Variants in CLSTN2 observed in about 807,000 individuals in gnomAD.
CLSTN2 encodes calsyntenin-2.
A neutral mutation model predicts 101.2 loss-of-function variants in CLSTN2; 48 were observed. That is an observed-to-expected ratio of 0.47 (90% CI 0.38 to 0.60). CLSTN2 has a LOEUF of 0.60. CLSTN2 is among the 20% of genes least tolerant of loss of function. The pLI, the probability that CLSTN2 is intolerant of heterozygous loss-of-function variation, is 0.00. For missense variants in CLSTN2, 1,160 were observed against 1,238.2 expected, an observed-to-expected ratio of 0.94 and a Z score of 0.95; for synonymous variants, 481 against 463.6, an observed-to-expected ratio of 1.04 and a Z score of -0.48.
chr3:140,519,680 C>G (rs543905428), intron 8 of CLSTN2, among the ~76,000 whole-genome samples: 1 of 151,916 alleles, frequency 6.6e-6, no homozygotes, highest in African/African-American at 2.4e-5. Flanking sequence ...TTCCTCCATT[C>G]CTTTGTTTTG....
At chr3:140,436,010 C>A (rs557300758) in intron 5 of CLSTN2, among the ~76,000 whole-genome samples, 8 of 152,164 alleles carry the variant, frequency 5.3e-5, no homozygotes, top group Non-Finnish European at 1.0e-4. Context: ...GATCTTCTTC[C>A]ATTCTGTGAG....
chr3:140,117,805 C>G (rs2009271531), intron 1 of CLSTN2, among the ~76,000 whole-genome samples: 1 of 152,134 alleles, frequency 6.6e-6, no homozygotes, highest in Non-Finnish European at 1.5e-5. Flanking sequence ...AGTGACTTGA[C>G]CAAGGTTACA....
intron 1 of CLSTN2, among the ~76,000 whole-genome samples, chr3:140,111,088 C>T (rs1226212645): frequency 6.6e-6 from 1 of 152,222 alleles, no homozygotes; most frequent in African/African-American, 2.4e-5. Flanking sequence ...CTTCCTATCT[C>T]ATGGCTAATC....
Position 140,564,114 on chromosome 3 carries a change from C to A in CLSTN2, c.2636C>A (p.Ser879Tyr). Residue 879 changes from serine (S) to tyrosine (Y), a missense_variant, in exon 16 of 17, where the codon TCT (serine) becomes TAT (tyrosine). By Grantham distance (144) the Ser-to-Tyr change is moderately radical (BLOSUM62 -2). Transcript: ENST00000458420. ...GAATCTGAGATGGACTGGGACGATT[C>A]TGCGCTGACTATCACAGTCAACCCC... ...AKESEMDWDDSALTITVNPME... is the reference protein window; with the variant it reads ...AKESEMDWDDYALTITVNPME... 1 of 1,614,102 alleles carries A rather than the reference C, an allele frequency of 6.2e-7. No individual in the cohort carries two copies. The highest frequency in any genetic ancestry group is 8.5e-7 in the Non-Finnish European group (1 of 1,180,002).
chr3:140,494,277 C>G (rs1934406851), intron 8 of CLSTN2, among the ~76,000 whole-genome samples: 1 of 152,080 alleles, frequency 6.6e-6, no homozygotes, highest in Non-Finnish European at 1.5e-5. Context: ...AAGCAAAGCC[C>G]AGTGCAAAAG....
intron 2 of CLSTN2, among the ~76,000 whole-genome samples, chr3:140,371,187 C>G (rs1304528181): frequency 6.6e-6 from 1 of 152,114 alleles, no homozygotes; most frequent in African/African-American, 2.4e-5. Context: ...TTCCAGGAGT[C>G]CCAGCAGGTA....
intron 2 of CLSTN2, among the ~76,000 whole-genome samples, chr3:140,356,756 CAAA>C (rs55634580): frequency 4.5e-5 from 5 of 111,110 alleles, no homozygotes; most frequent in African/African-American, 3.6e-5. Flanking sequence ...GACCTTGTCT[CAAA>C]AAAAAAAAAA....
intron 8 of CLSTN2, among the ~76,000 whole-genome samples, chr3:140,516,177 G>T (rs994403240): frequency 2.0e-5 from 3 of 151,938 alleles, no homozygotes; most frequent in Non-Finnish European, 4.4e-5. Flanking sequence ...GTGACCATTT[G>T]CATGGAATAT....
At chr3:140,047,465 TAA>T (rs1470481338) in intron 1 of CLSTN2, among the ~76,000 whole-genome samples, 4 of 152,208 alleles carry the variant, frequency 2.6e-5, no homozygotes, top group Non-Finnish European at 5.9e-5. Flanking sequence ...TTTATTTATA[TAA>T]TATTTTATTT....
At chr3:140,165,494 G>A (rs1309299763) in intron 1 of CLSTN2, among the ~76,000 whole-genome samples, 2 of 152,196 alleles carry the variant, frequency 1.3e-5, no homozygotes, top group African/African-American at 4.8e-5. Context: ...TGGCGACACA[G>A]TAGACCTGTG....
chr3:140,040,707 C>T (rs985793251), intron 1 of CLSTN2, among the ~76,000 whole-genome samples: 2 of 152,106 alleles, frequency 1.3e-5, no homozygotes, highest in Non-Finnish European at 2.9e-5. Flanking sequence ...AAATATAACA[C>T]TTCTTTAGAA....
At chr3:140,272,539 T>C (rs906832097) in intron 2 of CLSTN2, among the ~76,000 whole-genome samples, 3 of 152,078 alleles carry the variant, frequency 2.0e-5, no homozygotes, top group Non-Finnish European at 4.4e-5. Flanking sequence ...CACCTGAGGA[T>C]GGGAGTTCGA....
At chr3:140,525,351 G>T (rs1408622795) in intron 8 of CLSTN2, among the ~76,000 whole-genome samples, 2 of 152,112 alleles carry the variant, frequency 1.3e-5, no homozygotes, top group African/African-American at 4.8e-5. Flanking sequence ...AGAGAAAGTG[G>T]ATACATTCCT....
At chr3:140,303,278 G>T (rs2087077874) in intron 2 of CLSTN2, among the ~76,000 whole-genome samples, 1 of 152,212 alleles carries the variant, frequency 6.6e-6, no homozygotes, top group African/African-American at 2.4e-5. Context: ...CCAAGATGTG[G>T]TCTCTCTCAT....
At chr3:140,151,637 A>G (rs1194153891) in intron 1 of CLSTN2, among the ~76,000 whole-genome samples, 1 of 152,020 alleles carries the variant, frequency 6.6e-6, no homozygotes, top group East Asian at 1.9e-4. Context: ...AAGACAATCA[A>G]AGGCACTCAC....
At chr3:140,117,664 T>C (rs1262414018) in intron 1 of CLSTN2, among the ~76,000 whole-genome samples, 1 of 152,200 alleles carries the variant, frequency 6.6e-6, no homozygotes, top group African/African-American at 2.4e-5. Flanking sequence ...AATAACCACA[T>C]AAGTCCAGTA....
chr3:140,118,859 A>G (rs373349975), intron 1 of CLSTN2, among the ~76,000 whole-genome samples: 1 of 152,232 alleles, frequency 6.6e-6, no homozygotes, highest in Non-Finnish European at 1.5e-5. Flanking sequence ...GGTTGCAATC[A>G]TTATTATCAC....
At chr3:140,121,528 G>A (rs1253213936) in intron 1 of CLSTN2, among the ~76,000 whole-genome samples, 2 of 152,168 alleles carry the variant, frequency 1.3e-5, no homozygotes, top group Non-Finnish European at 2.9e-5. Flanking sequence ...CCTCTAGGCA[G>A]AACTCCTTGC....
intron 1 of CLSTN2, among the ~76,000 whole-genome samples, chr3:140,018,648 A>T (rs911257782): frequency 1.2e-4 from 19 of 152,322 alleles, no homozygotes; most frequent in African/African-American, 4.3e-4. Context: ...GCTCCTGCTT[A>T]CTGCAGTGTG....
Sources: allele counts gnomAD v4.1 joint callset (sites outside exome capture counted in the v4.1 genomes callset), GRCh38; gene constraint gnomAD v4.1.1; transcripts MANE v1.5; gene names NCBI Gene and HGNC (gene_info 2026-07-23, HGNC 2026-07-21).